Variants in ADNP observed in about 807,000 individuals in gnomAD.
The protein encoded by ADNP is activity-dependent neuroprotector homeobox protein.
ADNP carries 4 observed loss-of-function variants against 84.9 expected under a neutral mutation model. The ratio of observed to expected loss-of-function variants is 0.05; its 90% CI spans 0.02 to 0.11. The LOEUF is 0.11. ADNP is among the 10% of genes least tolerant of loss of function. ADNP has a pLI of 1.00. For synonymous variants in ADNP, 554 were observed against 468.1 expected (o/e 1.18, Z -2.37); for missense variants, 1,132 against 1,326.0 (o/e 0.85, Z 2.27).
intron 2 of ADNP, chr20:50,913,667 AT>A (rs1983265376): frequency 7.8e-6 from 2 of 257,558 alleles, no homozygotes; most frequent in South Asian, 5.7e-5. Context: ...CTGTGGAAAC[AT>A]TTAGTACCTG....
intron 2 of ADNP, among the ~76,000 whole-genome samples, chr20:50,926,238 C>T (rs1227039888): frequency 2.0e-5 from 3 of 152,200 alleles, no homozygotes; most frequent in Non-Finnish European, 4.4e-5. Flanking sequence ...TCTTAATGTA[C>T]ATGCCTCTCA....
chr20:50,930,809 G>C lies in ADNP; in HGVS notation c.-265+17C>G, dbSNP rs1290424766. 6 of 148,944 alleles carry C rather than the reference G, an allele frequency of 4.0e-5. No individual in the cohort carries two copies. The highest frequency in any genetic ancestry group is 6.7e-5 in the Admixed American group (1 of 14,920). 9.2% of individuals were successfully genotyped at this position (148,944 alleles called of 1,614,324 possible). On this transcript the variant is annotated intron_variant, in intron 1 of 5. Transcript: ENST00000621696. Reference sequence around the variant, plus strand: ...AGGGCAGGGCCGCGGGTCCGCGCGCGGCGGCGCCGGGCTTACCTTGACTCG... The same window carrying C: ...AGGGCAGGGCCGCGGGTCCGCGCGCCGCGGCGCCGGGCTTACCTTGACTCG...
rs758410078 is a variant in ADNP at position 50,891,503 on chromosome 20, T to C, written c.3211A>G (p.Ser1071Gly). The change falls in exon 6 of 6, where the codon AGT becomes GGT. Residue 1071 changes from serine (S) to glycine (G), a missense_variant. Physicochemically the swap from Ser to Gly is moderately conservative, Grantham distance 56. Around this residue, in one of 10 missense-constraint regions of ADNP, gnomAD observed 381 missense variants for 319.9 expected, o/e 1.19. Transcript: ENST00000621696. ...QIEWQNSTID[S>G]EDGEQFDNMT... Reference sequence around the variant, plus strand: ...TTGTCAAACTGTTCCCCATCCTCACTGTCAATTGTGCTATTCTGCCACTCA... The same window carrying C: ...TTGTCAAACTGTTCCCCATCCTCACCGTCAATTGTGCTATTCTGCCACTCA... 6.2e-7 allele frequency: 1 copy of C among 1,612,422 alleles called. No homozygotes were observed. The highest frequency in any genetic ancestry group is 1.1e-5 in the South Asian group (1 of 91,092).
intron 2 of ADNP, chr20:50,914,398 A>C: frequency 1.8e-6 from 1 of 551,434 alleles, no homozygotes; most frequent in South Asian, 2.5e-5. Context: ...GTAGAAGGTT[A>C]AACAGCTTGG....
intron 5 of ADNP, among the ~76,000 whole-genome samples, chr20:50,895,584 G>GT (rs1417454615): frequency 6.6e-6 from 1 of 152,176 alleles, no homozygotes; most frequent in Non-Finnish European, 1.5e-5. Flanking sequence ...GTCTCACTTT[G>GT]TTGCTCAGGC....
intron 2 of ADNP, among the ~76,000 whole-genome samples, chr20:50,924,520 G>A (rs973453315): frequency 1.3e-5 from 2 of 152,164 alleles, no homozygotes; most frequent in Non-Finnish European, 2.9e-5. Context: ...ATACTCTGTG[G>A]CTCATTTCAT....
chr20:50,913,885 A>C, intron 2 of ADNP: 1 of 613,912 alleles, frequency 1.6e-6, no homozygotes, highest in Non-Finnish European at 3.1e-6. Context: ...ATACATACAT[A>C]AATTATTGAA....
chr20:50,905,698 T>C (rs554045691), intron 2 of ADNP: 12 of 152,354 alleles, frequency 7.9e-5, no homozygotes, highest in South Asian at 6.2e-4. Context: ...CAAGATAGAA[T>C]TGCTGCTCAC....
chr20:50,917,564 T>A (rs1983610862), intron 2 of ADNP, among the ~76,000 whole-genome samples: 1 of 152,240 alleles, frequency 6.6e-6, no homozygotes. Context: ...CTTCCCATTG[T>A]GAATACTCTA....
chr20:50,930,417 G>A (rs1489170404), intron 1 of ADNP, among the ~76,000 whole-genome samples: 1 of 151,738 alleles, frequency 6.6e-6, no homozygotes, highest in Non-Finnish European at 1.5e-5. Context: ...CTGGTTCAAG[G>A]CATGGGGGTG....
chr20:50,922,957 T>C (rs532428694), intron 2 of ADNP, among the ~76,000 whole-genome samples: 1 of 152,168 alleles, frequency 6.6e-6, no homozygotes, highest in Admixed American at 6.5e-5. Flanking sequence ...ACACCCTCTC[T>C]CTAGAGAGGA....
At chr20:50,927,742 A>G (rs1984385907) in intron 2 of ADNP, among the ~76,000 whole-genome samples, 1 of 152,238 alleles carries the variant, frequency 6.6e-6, no homozygotes, top group Admixed American at 6.5e-5. Flanking sequence ...TTGAAACAGT[A>G]GAATACATGC....
chr20:50,910,017 G>A (rs1982885346), intron 2 of ADNP, among the ~76,000 whole-genome samples: 1 of 152,202 alleles, frequency 6.6e-6, no homozygotes. Context: ...TTCTGCCTAA[G>A]CTAAGTTCTT....
intron 4 of ADNP, 36 bp downstream of exon 4, chr20:50,903,851 TGA>T (rs1982220682): frequency 6.8e-7 from 1 of 1,474,074 alleles, no homozygotes; most frequent in African/African-American, 1.4e-5. Context: ...GATCAGAAGC[TGA>T]GTCATGTTAA....
chr20:50,892,148 C>T lies in ADNP; in HGVS notation c.2566G>A (p.Val856Ile). ...FENHDEKDSRVNASKTADKKL... is the reference protein window; with the variant it reads ...FENHDEKDSRINASKTADKKL... ...TTGTCAGCAGTCTTACTAGCATTGA[C>T]TCTGGAATCCTTCTCATCATGATTT... Residue 856 changes from valine (V) to isoleucine (I), a missense_variant, in exon 6 of 6, where the codon GTC becomes ATC. Around this residue, in one of 10 missense-constraint regions of ADNP, gnomAD observed 381 missense variants for 319.9 expected, o/e 1.19. Coordinates refer to ENST00000621696, the MANE Select transcript of ADNP (RefSeq NM_001282531.3). The T allele has an allele frequency of 6.2e-7, 1 of 1,614,160 alleles. No individual in the cohort carries two copies. Among genetic ancestry groups the T allele is most frequent in the Non-Finnish European group, 8.5e-7 (1 of 1,180,040 alleles).
chr20:50,914,419 ACTTT>A, intron 2 of ADNP: 2 of 507,252 alleles, frequency 3.9e-6, no homozygotes, highest in Non-Finnish European at 3.6e-6. Context: ...ATTTCTTCTT[ACTTT>A]CTATGTTGTG....
chr20:50,899,517 A>T (rs1981748612), intron 5 of ADNP, among the ~76,000 whole-genome samples: 1 of 152,022 alleles, frequency 6.6e-6, no homozygotes, highest in African/African-American at 2.4e-5. Flanking sequence ...GCCGGTAATG[A>T]GTTTTTAATC....
At position 50,891,027 on chromosome 20, in the gene ADNP, A is replaced by T; in HGVS notation, c.*378T>A. On this transcript the variant is annotated 3_prime_UTR_variant, in exon 6 of 6. Transcript: ENST00000621696. Reference sequence around the variant, plus strand: ...AGTCTACTATACACATTAGACTGGTAGCTTGTATGTTGGCCCTACACTACC... The same window carrying T: ...AGTCTACTATACACATTAGACTGGTTGCTTGTATGTTGGCCCTACACTACC... The T allele has an allele frequency of 1.9e-6, 2 of 1,032,060 alleles. No homozygotes were observed. Among genetic ancestry groups the T allele is most frequent in the Non-Finnish European group, 2.3e-6 (2 of 861,002 alleles). 63.9% of individuals were successfully genotyped at this position (1,032,060 alleles called of 1,614,324 possible).
chr20:50,929,671 G>A (rs1984526701), intron 1 of ADNP, among the ~76,000 whole-genome samples: 2 of 152,104 alleles, frequency 1.3e-5, no homozygotes, highest in South Asian at 2.1e-4. Flanking sequence ...TAAACCAGAA[G>A]CAACAATGCA....
Sources: allele counts gnomAD v4.1 joint callset (sites outside exome capture counted in the v4.1 genomes callset), GRCh38; gene constraint gnomAD v4.1.1; regional missense constraint gnomAD v4.1.1; transcripts MANE v1.5; gene names NCBI Gene and HGNC (gene_info 2026-07-23, HGNC 2026-07-21).